Variants in ACTR3C observed in about 807,000 individuals in gnomAD.
ACTR3C encodes actin-related protein 3C.
In ACTR3C, 18 loss-of-function variants were observed where a neutral mutation model predicts 26.3. The observed-to-expected ratio is 0.68, with a 90% confidence interval of 0.47 to 1.01. The LOEUF (loss-of-function observed/expected upper bound fraction) is 1.01. Among genes scored for constraint, ACTR3C ranks in the 50% least tolerant of loss-of-function variants. ACTR3C has a pLI of 0.00. For missense variants in ACTR3C, 184 were observed against 250.7 expected (o/e 0.73, Z 1.80); for synonymous variants, 55 against 94.5 (o/e 0.58, Z 2.42).
the ACTR3C span, among the ~76,000 whole-genome samples, chr7:150,118,685 C>G: frequency 9.1e-4 from 130 of 143,216 alleles, no homozygotes; most frequent in Admixed American, 3.5e-3. Flanking sequence ...AGAAGAACTT[C>G]CCCAACCTAG....
chr7:149,981,928 C>T, the ACTR3C span, among the ~76,000 whole-genome samples: 2 of 152,250 alleles, frequency 1.3e-5, no homozygotes, highest in African/African-American at 2.4e-5. Context: ...CCTCTCCTTC[C>T]TCCACTGCTG....
At chr7:150,245,573 T>G (rs1324720983), downstream of ACTR3C, 1 of 152,162 alleles carries the variant, frequency 6.6e-6, no homozygotes, top group Non-Finnish European at 1.5e-5. Context: ...CATGGCTCTA[T>G]CCAACTGCAG....
intron 6 of ACTR3C, among the ~76,000 whole-genome samples, chr7:150,253,921 T>G (rs568777210): frequency 6.7e-6 from 1 of 149,564 alleles, no homozygotes; most frequent in Non-Finnish European, 1.5e-5. Flanking sequence ...TTTTTTTTTT[T>G]CCCCCAGCAT....
the ACTR3C span, among the ~76,000 whole-genome samples, chr7:150,111,707 G>T: frequency 7.6e-6 from 1 of 131,132 alleles, no homozygotes; most frequent in Admixed American, 7.8e-5. Context: ...CCGCCCACAA[G>T]CCCCGCCACC....
At chr7:149,982,828 G>A in the ACTR3C span, among the ~76,000 whole-genome samples, 69,714 of 151,978 alleles carry the variant, frequency 0.46, 17,419 homozygotes, top group South Asian at 0.57. Context: ...CATGTCATCC[G>A]CAAACAGAGA....
downstream of ACTR3C, among the ~76,000 whole-genome samples, chr7:150,243,704 A>T (rs1832310169): frequency 6.6e-6 from 1 of 152,186 alleles, no homozygotes; most frequent in African/African-American, 2.4e-5. Flanking sequence ...CCTATAATAT[A>T]TAATACAATG....
the ACTR3C span, among the ~76,000 whole-genome samples, chr7:150,179,247 G>T: frequency 7.0e-5 from 10 of 143,882 alleles, no homozygotes; most frequent in Non-Finnish European, 1.5e-4. Context: ...TGAAGGTAGA[G>T]ATGATTTATT....
chr7:149,998,887 CA>C, the ACTR3C span, among the ~76,000 whole-genome samples: 1 of 150,564 alleles, frequency 6.6e-6, no homozygotes, highest in Non-Finnish European at 1.5e-5. Context: ...CTGTCTCCAC[CA>C]ACCTCCCTCC....
the ACTR3C span, among the ~76,000 whole-genome samples, chr7:150,070,059 A>C: frequency 4.3e-4 from 65 of 152,346 alleles, no homozygotes; most frequent in Non-Finnish European, 8.8e-4. Flanking sequence ...CGTGGAAGGC[A>C]AGCAAAGATG....
At chr7:150,270,640 A>G in intron 6 of ACTR3C, among the ~76,000 whole-genome samples, 2 of 152,156 alleles carry the variant, frequency 1.3e-5, no homozygotes, top group Non-Finnish European at 2.9e-5. Context: ...CCATGTGCTC[A>G]GCACAGCACT....
At chr7:149,886,402 G>A in the ACTR3C span, among the ~76,000 whole-genome samples, 2 of 152,196 alleles carry the variant, frequency 1.3e-5, no homozygotes, top group Admixed American at 6.5e-5. Context: ...TTGGAGGACG[G>A]GGGGAGGAAG....
chr7:150,274,313 G>A lies in ACTR3C; in HGVS notation c.564+10440C>T, dbSNP rs185746489. ...CAGCGCCATTTTCCCAAAAGCACAC[G>A]CTCACTTCGTGTCTCTGTATCAGCA... On this transcript the variant is annotated intron_variant, in intron 6 of 7. Coordinates refer to ENST00000683684, the MANE Select transcript of ACTR3C (RefSeq NM_001164458.2). The surrounding 1 kb of genome is among the most constrained non-coding windows in gnomAD (Gnocchi z 4.1). Among the ~76,000 whole-genome samples the A allele has an allele frequency of 4.5e-3, 687 of 152,244 alleles. 5 individuals are homozygous for A. The highest frequency in any genetic ancestry group is 0.015 in the African/African-American group (641 of 41,532).
chr7:150,259,962 T>G (rs1563154058), intron 6 of ACTR3C, among the ~76,000 whole-genome samples: 1 of 152,200 alleles, frequency 6.6e-6, no homozygotes, highest in Non-Finnish European at 1.5e-5. Context: ...CTCCACAAAA[T>G]AGGGAATTTT....
chr7:150,197,897 C>T, the ACTR3C span, among the ~76,000 whole-genome samples: 2 of 149,744 alleles, frequency 1.3e-5, no homozygotes, highest in African/African-American at 5.0e-5. Context: ...GTCTCCCTCT[C>T]ATGCGGAGCC....
chr7:150,121,859 C>T, the ACTR3C span, among the ~76,000 whole-genome samples: 19 of 152,100 alleles, frequency 1.2e-4, no homozygotes, highest in East Asian at 1.9e-4. Flanking sequence ...CAAAACAGCA[C>T]GGTACTGTTA....
the ACTR3C span, among the ~76,000 whole-genome samples, chr7:149,939,042 G>A: frequency 1.2e-3 from 187 of 151,336 alleles, 1 homozygote; most frequent in African/African-American, 4.1e-3. Flanking sequence ...GTGCAATGGC[G>A]CGATCTCAGC....
chr7:150,112,300 CA>C, the ACTR3C span, among the ~76,000 whole-genome samples: 2 of 152,206 alleles, frequency 1.3e-5, no homozygotes, highest in African/African-American at 4.8e-5. Context: ...ACTTGGAAGA[CA>C]AACAAATGTG....
chr7:150,221,696 C>G, the ACTR3C span, among the ~76,000 whole-genome samples: 29 of 152,252 alleles, frequency 1.9e-4, no homozygotes, highest in African/African-American at 7.0e-4. Context: ...GGCTTGGTAA[C>G]AGAAGTACAT....
At chr7:149,936,562 A>G in the ACTR3C span, among the ~76,000 whole-genome samples, 4 of 152,222 alleles carry the variant, frequency 2.6e-5, no homozygotes, top group Non-Finnish European at 5.9e-5. Context: ...TTTCAGCACA[A>G]TAAAACACTG....
Sources: gnomAD v4.1 joint callset for allele counts (sites outside exome capture counted in the v4.1 genomes callset) on GRCh38, gnomAD v4.1.1 for gene constraint, Gnocchi (gnomAD v3.1) non-coding constraint, MANE v1.5 for transcripts, NCBI Gene and HGNC (gene_info 2026-07-23, HGNC 2026-07-21) for gene names.